UNC79: variants seen among roughly 807,000 people sequenced by gnomAD.
UNC79 encodes the protein unc-79 subunit of NALCN channel complex, also known as protein unc-79 homolog.
In UNC79, 37 loss-of-function variants were observed where a neutral mutation model predicts 283.1. The observed-to-expected ratio is 0.13, with a 90% CI of 0.10 to 0.17. The LOEUF is 0.17. UNC79 is among the 10% of genes least tolerant of loss of function. The pLI is 1.00. For synonymous variants in UNC79, 1,107 were observed against 1,200.2 expected (o/e 0.92, Z 1.61); for missense variants, 2,272 against 3,211.1 (o/e 0.71, Z 7.07).
intron 22 of UNC79, among the ~76,000 whole-genome samples, chr14:93,587,508 G>A (rs1419433170): frequency 6.6e-6 from 1 of 152,166 alleles, no homozygotes; most frequent in Non-Finnish European, 1.5e-5. Flanking sequence ...AGGTTAACTT[G>A]ATGACAAACC....
chr14:93,381,774 A>T (rs190126537), intron 1 of UNC79, among the ~76,000 whole-genome samples: 1 of 152,328 alleles, frequency 6.6e-6, no homozygotes, highest in East Asian at 1.9e-4. Context: ...AAGAAAGACA[A>T]AAGTGTCCTC....
chr14:93,610,188 T>C (rs1182504834), intron 26 of UNC79, among the ~76,000 whole-genome samples: 1 of 152,208 alleles, frequency 6.6e-6, no homozygotes, highest in Non-Finnish European at 1.5e-5. Flanking sequence ...TAGACTTGAA[T>C]TGGGATGGAA....
intron 41 of UNC79, among the ~76,000 whole-genome samples, chr14:93,679,551 T>G (rs1469929675): frequency 2.0e-5 from 3 of 152,230 alleles, no homozygotes; most frequent in Non-Finnish European, 2.9e-5. Context: ...ATCATATTGT[T>G]GAAGAAAGGT....
Position 93,357,753 on chromosome 14 carries a change from A to G in UNC79, c.-351+24230A>G, listed in dbSNP as rs189776415. On this transcript the variant is annotated intron_variant, in intron 1 of 49. Transcript: ENST00000256339. ...TGGATGTATATATATATATGGATAT[A>G]TGGATATATATATATGGATATGTGG... Among the ~76,000 whole-genome samples the G allele has an allele frequency of 6.4e-3, 800 of 125,838 alleles. 40 individuals carry two copies. The East Asian group carries it at 0.11, about 17-fold the overall frequency. The allele number at this position is 125,838 out of a possible 152,430, so 82.6% of individuals were successfully genotyped here. A position where few individuals can be genotyped will look rare whatever the true frequency, so the allele number is the denominator to read the frequency against.
chr14:93,487,372 C>T (rs1419852482), intron 4 of UNC79, among the ~76,000 whole-genome samples: 1 of 152,084 alleles, frequency 6.6e-6, no homozygotes. Context: ...TAAATACAAA[C>T]ATCATGGGGG....
chr14:93,602,842 T>C (rs908673812), intron 25 of UNC79, among the ~76,000 whole-genome samples: 20 of 152,222 alleles, frequency 1.3e-4, no homozygotes, highest in African/African-American at 4.8e-4. Context: ...GGTCTTGCTA[T>C]ATTGCCCAGG....
At chr14:93,422,222 C>T (rs768037420) in intron 1 of UNC79, among the ~76,000 whole-genome samples, 2 of 151,694 alleles carry the variant, frequency 1.3e-5, no homozygotes, top group Non-Finnish European at 2.9e-5. Context: ...TAGCTTGAAG[C>T]ACAGGCTACC....
intron 32 of UNC79, 65 bp from the exon 36 acceptor site, chr14:93,641,080 C>G (rs752057562): frequency 2.7e-5 from 38 of 1,390,610 alleles, no homozygotes; most frequent in Non-Finnish European, 3.5e-5. Context: ...AGAGGAGAAC[C>G]AGGCCTTTCT....
chr14:93,386,339 T>A (rs1480534875), intron 1 of UNC79, among the ~76,000 whole-genome samples: 1 of 152,240 alleles, frequency 6.6e-6, no homozygotes, highest in Non-Finnish European at 1.5e-5. Context: ...TCATGATGAA[T>A]GATCTTTTTA....
chr14:93,573,792 C>A (rs2063330731), intron 16 of UNC79, among the ~76,000 whole-genome samples: 1 of 152,174 alleles, frequency 6.6e-6, no homozygotes, highest in African/African-American at 2.4e-5. Context: ...AGATCACTTG[C>A]TCAGGAGTTC....
intron 27 of UNC79, among the ~76,000 whole-genome samples, chr14:93,614,043 TAA>T (rs201790798): frequency 1.5e-3 from 189 of 125,680 alleles, no homozygotes; most frequent in African/African-American, 2.7e-3. Context: ...TCATGCACAG[TAA>T]AAAAAAAAAA....
intron 40 of UNC79, among the ~76,000 whole-genome samples, chr14:93,669,452 A>G (rs1219924600): frequency 6.6e-6 from 1 of 152,126 alleles, no homozygotes; most frequent in Non-Finnish European, 1.5e-5. Context: ...TAGAGGAACA[A>G]AAGTCCGGAT....
At chr14:93,600,486 G>C in intron 24 of UNC79, 83 bp from the exon 25 acceptor site, 1 of 933,324 alleles carries the variant, frequency 1.1e-6, no homozygotes, top group Non-Finnish European at 1.6e-6. Flanking sequence ...CATTGACTTT[G>C]CCTAGTATAT....
At chr14:93,625,338 A>C (rs933896552) in intron 30 of UNC79, among the ~76,000 whole-genome samples, 1 of 152,194 alleles carries the variant, frequency 6.6e-6, no homozygotes, top group Non-Finnish European at 1.5e-5. Context: ...GCATTGCTGC[A>C]TCATCACGAA....
chr14:93,540,305 C>T (rs2061315265), intron 12 of UNC79, among the ~76,000 whole-genome samples: 1 of 152,184 alleles, frequency 6.6e-6, no homozygotes, highest in Admixed American at 6.5e-5. Flanking sequence ...GCTGTCTGCA[C>T]AGTTTCATGA....
chr14:93,437,596 C>G (rs2056135764), intron 1 of UNC79: 1 of 152,288 alleles, frequency 6.6e-6, no homozygotes, highest in Non-Finnish European at 1.5e-5. Context: ...TGGTGTAAAA[C>G]AACTGAAGAT....
intron 14 of UNC79, among the ~76,000 whole-genome samples, chr14:93,562,517 G>A (rs2062624595): frequency 6.6e-6 from 1 of 152,152 alleles, no homozygotes. Flanking sequence ...TAAAAGTACT[G>A]TCCAGTCCTT....
intron 32 of UNC79, among the ~76,000 whole-genome samples, chr14:93,639,088 T>C (rs2068778816): frequency 6.6e-6 from 1 of 152,234 alleles, no homozygotes; most frequent in African/African-American, 2.4e-5. Context: ...AGTTTGAAAC[T>C]GCCAGAATGA....
chr14:93,408,689 C>G (rs2055275057), intron 1 of UNC79, among the ~76,000 whole-genome samples: 2 of 151,934 alleles, frequency 1.3e-5, no homozygotes, highest in African/African-American at 2.4e-5. Context: ...GAGATCTTGT[C>G]TTAAAAAAAA....
Sources: allele counts gnomAD v4.1 joint callset (sites outside exome capture counted in the v4.1 genomes callset), GRCh38; gene constraint gnomAD v4.1.1; transcripts MANE v1.5; gene names NCBI Gene and HGNC (gene_info 2026-07-23, HGNC 2026-07-21).